THSD4: variants seen among roughly 807,000 people sequenced by gnomAD.
THSD4 encodes thrombospondin type-1 domain-containing protein 4.
A neutral mutation model predicts 119.0 loss-of-function variants in THSD4; 69 were observed. The observed-to-expected ratio is 0.58, with a 90% CI of 0.48 to 0.71. THSD4 has a LOEUF of 0.71. Ranked by LOEUF, THSD4 falls within the 30% of genes least tolerant of loss-of-function variation. The probability of loss-of-function intolerance (pLI) is 0.00; values close to 1 mark genes in which losing one functional copy is unlikely to be tolerated. For synonymous variants in THSD4, 524 were observed against 540.4 expected (o/e 0.97, Z 0.42); for missense variants, 1,393 against 1,391.1 (o/e 1.00, Z -0.02).
chr15:71,277,354 G>A (rs188205214), intron 6 of THSD4, among the ~76,000 whole-genome samples: 6 of 152,156 alleles, frequency 3.9e-5, no homozygotes, highest in Admixed American at 2.6e-4. Context: ...TCAAACTCTC[G>A]ACCTCAGGTG....
chr15:71,619,482 T>A (rs1357721962), intron 7 of THSD4, among the ~76,000 whole-genome samples: 1 of 152,178 alleles, frequency 6.6e-6, no homozygotes, highest in Non-Finnish European at 1.5e-5. Context: ...AGAGTTACGT[T>A]TGAGCAAATT....
At chr15:71,572,821 G>A (rs2049382396) in intron 7 of THSD4, among the ~76,000 whole-genome samples, 1 of 152,136 alleles carries the variant, frequency 6.6e-6, no homozygotes, top group Non-Finnish European at 1.5e-5. Flanking sequence ...GAGGTTGGTT[G>A]GGAGGGGAAA....
At chr15:71,218,908 A>G (rs1327706827) in intron 4 of THSD4, among the ~76,000 whole-genome samples, 2 of 152,256 alleles carry the variant, frequency 1.3e-5, no homozygotes, top group African/African-American at 2.4e-5. Context: ...TTTATTAAAC[A>G]TCTACTATGT....
chr15:71,269,542 G>T (rs1325289492), intron 6 of THSD4, among the ~76,000 whole-genome samples: 2 of 151,936 alleles, frequency 1.3e-5, no homozygotes, highest in East Asian at 3.8e-4. Context: ...ACCAGCACAA[G>T]ACAAGAATGC....
At chr15:71,615,273 G>A (rs2050301287) in intron 7 of THSD4, among the ~76,000 whole-genome samples, 1 of 152,140 alleles carries the variant, frequency 6.6e-6, no homozygotes, top group South Asian at 2.1e-4. Flanking sequence ...GATAAACAGG[G>A]TCCCCTGGTC....
chr15:71,424,741 A>G (rs1258990790), intron 7 of THSD4, among the ~76,000 whole-genome samples: 1 of 152,228 alleles, frequency 6.6e-6, no homozygotes, highest in Non-Finnish European at 1.5e-5. Context: ...GCTATGATTT[A>G]GTTTTACTTG....
At chr15:71,491,789 G>C (rs1325841862) in intron 7 of THSD4, among the ~76,000 whole-genome samples, 1 of 152,108 alleles carries the variant, frequency 6.6e-6, no homozygotes, top group African/African-American at 2.4e-5. Context: ...GGATTGCTTA[G>C]GCCTGGGAGG....
intron 2 of THSD4, among the ~76,000 whole-genome samples, chr15:71,149,262 T>C (rs1324819661): frequency 6.6e-6 from 1 of 152,064 alleles, no homozygotes; most frequent in Non-Finnish European, 1.5e-5. Flanking sequence ...TTTTGTTTTT[T>C]TGAGATGGAG....
At chr15:71,465,155 T>G (rs983745205) in intron 7 of THSD4, among the ~76,000 whole-genome samples, 1 of 152,212 alleles carries the variant, frequency 6.6e-6, no homozygotes, top group Admixed American at 6.5e-5. Context: ...TAAACCTGTT[T>G]CTACTCATTT....
chr15:71,197,906 G>A (rs1450429811), intron 3 of THSD4, among the ~76,000 whole-genome samples: 1 of 152,122 alleles, frequency 6.6e-6, no homozygotes, highest in East Asian at 1.9e-4. Flanking sequence ...ATGGGGATGG[G>A]GTTGATGCCA....
chr15:71,219,071 T>C (rs112970721), intron 4 of THSD4, among the ~76,000 whole-genome samples: 168 of 152,262 alleles, frequency 1.1e-3, no homozygotes, highest in African/African-American at 3.3e-3. Flanking sequence ...AGATGGAGGC[T>C]CAGTTTATGT....
chr15:71,711,806 A>T (rs913367744), intron 8 of THSD4, among the ~76,000 whole-genome samples: 2 of 152,142 alleles, frequency 1.3e-5, no homozygotes, highest in African/African-American at 4.8e-5. Flanking sequence ...ACCAAGAATG[A>T]AGAGGCAGAT....
At chr15:71,154,766 C>G in intron 2 of THSD4, 97 bp from the exon 3 acceptor site, 6 of 1,259,142 alleles carry the variant, frequency 4.8e-6, no homozygotes, top group Non-Finnish European at 7.0e-6. Flanking sequence ...GGGCTGTTCC[C>G]CCCCCATCCA....
chr15:71,135,826 T>C (rs2040545983), intron 1 of THSD4, among the ~76,000 whole-genome samples: 1 of 151,944 alleles, frequency 6.6e-6, no homozygotes, highest in Non-Finnish European at 1.5e-5. Flanking sequence ...ATAACTTCCT[T>C]GGCTTCCACC....
At chr15:71,105,845 G>T (rs1490426789) in intron 1 of THSD4, among the ~76,000 whole-genome samples, 1 of 152,040 alleles carries the variant, frequency 6.6e-6, no homozygotes, top group Non-Finnish European at 1.5e-5. Context: ...TGTTTTTCTG[G>T]CTTGCATTTT....
At chr15:71,619,735 C>T (rs1324892899) in intron 7 of THSD4, among the ~76,000 whole-genome samples, 3 of 152,174 alleles carry the variant, frequency 2.0e-5, no homozygotes, top group Non-Finnish European at 4.4e-5. Context: ...GGGCACAGCA[C>T]GCTGTCTGTT....
intron 3 of THSD4, among the ~76,000 whole-genome samples, chr15:71,211,799 C>T (rs1402968971): frequency 2.0e-5 from 3 of 152,166 alleles, no homozygotes; most frequent in East Asian, 3.9e-4. Context: ...TTGGTCTTCA[C>T]ATGTCAGTAT....
At position 71,710,586 on chromosome 15, in the gene THSD4, A is replaced by G. The variant is rs377351794; in HGVS notation, c.1358-17963A>G. Among the ~76,000 whole-genome samples the G allele has an allele frequency of 3.3e-5, 5 of 152,314 alleles. No individual in the cohort carries two copies. In the East Asian group the frequency reaches 5.8e-4, roughly 18 times the overall value. The stretch of plus-strand genomic sequence containing the variant: ...ATCTTGGTGCCACATAGAGGATGTA[A>G]GACCCACCTCATCTGGCTCATACGG... On this transcript the variant is annotated intron_variant, in intron 8 of 17. Coordinates refer to ENST00000261862, the MANE Select transcript of THSD4 (RefSeq NM_024817.3).
intron 3 of THSD4, among the ~76,000 whole-genome samples, chr15:71,161,580 T>C (rs1246113860): frequency 6.6e-6 from 1 of 152,014 alleles, no homozygotes; most frequent in African/African-American, 2.4e-5. Context: ...CTTTGGTTTC[T>C]GTTTGCATGG....
Sources: allele counts gnomAD v4.1 joint callset (sites outside exome capture counted in the v4.1 genomes callset), GRCh38; gene constraint gnomAD v4.1.1; transcripts MANE v1.5; gene names NCBI Gene and HGNC (gene_info 2026-07-23, HGNC 2026-07-21).